NKAIN3: variants seen among roughly 807,000 people sequenced by gnomAD.
The protein encoded by NKAIN3 is sodium/potassium transporting ATPase interacting 3, also known as sodium/potassium-transporting ATPase subunit beta-1-interacting protein 3.
Under a neutral mutation model 30.2 loss-of-function variants are expected in NKAIN3, and 25 were observed. The observed-to-expected ratio is 0.83, with a 90% CI of 0.60 to 1.16. NKAIN3 has a LOEUF of 1.16. Ranked by LOEUF, NKAIN3 falls within the 50% of genes most tolerant of loss-of-function variation. NKAIN3 has a pLI of 0.00. For synonymous variants in NKAIN3, 91 were observed against 89.6 expected (o/e 1.02, Z -0.09); for missense variants, 225 against 254.1 (o/e 0.89, Z 0.78).
chr8:62,655,694 G>T (rs1812742823), intron 3 of NKAIN3, among the ~76,000 whole-genome samples: 1 of 152,110 alleles, frequency 6.6e-6, no homozygotes, highest in African/African-American at 2.4e-5. Context: ...GGTAGAGGAA[G>T]ATAAAGATGC....
intron 4 of NKAIN3, among the ~76,000 whole-genome samples, chr8:62,851,311 C>G (rs932595030): frequency 7.9e-5 from 12 of 152,104 alleles, no homozygotes; most frequent in Admixed American, 3.3e-4. Context: ...GATTTTGTAT[C>G]CTGAGACTTT....
intron 4 of NKAIN3, among the ~76,000 whole-genome samples, chr8:62,794,655 C>T (rs1817804014): frequency 6.6e-6 from 1 of 152,152 alleles, no homozygotes; most frequent in African/African-American, 2.4e-5. Context: ...TCTCCATCTC[C>T]TACACTTGTT....
rs143069038 is a variant in NKAIN3, at chr8:62,832,853, T to A, written c.472-85600T>A. On this transcript the variant is annotated intron_variant, in intron 4 of 6. Coordinates refer to ENST00000623646, the MANE Select transcript of NKAIN3 (RefSeq NM_001304533.3). ...CTTGGCCAATTGGACTTAAGAGAGATCTACAGAATATTTCACCCATCAACC... is the reference window on the plus strand; with the variant it reads ...CTTGGCCAATTGGACTTAAGAGAGAACTACAGAATATTTCACCCATCAACC... 2.6e-3 allele frequency among the ~76,000 whole-genome samples: 391 copies of A among 152,142 alleles called. 1 individual carries two copies. The highest frequency in any genetic ancestry group is 5.7e-3 in the Admixed American group (87 of 15,268).
intron 1 of NKAIN3, among the ~76,000 whole-genome samples, chr8:62,322,735 C>T (rs562844159): frequency 4.5e-4 from 68 of 152,230 alleles, no homozygotes; most frequent in Middle Eastern, 3.4e-3. Context: ...TAAATTGGAT[C>T]ATGCTACAGA....
chr8:62,439,997 G>C (rs1041659138), intron 1 of NKAIN3, among the ~76,000 whole-genome samples: 1 of 152,148 alleles, frequency 6.6e-6, no homozygotes, highest in Non-Finnish European at 1.5e-5. Context: ...GATTTTAATA[G>C]AAAGACATTC....
chr8:62,664,999 A>G (rs1813056375), intron 3 of NKAIN3, among the ~76,000 whole-genome samples: 1 of 152,148 alleles, frequency 6.6e-6, no homozygotes, highest in South Asian at 2.1e-4. Flanking sequence ...TGAAATTTCT[A>G]CTTGAACTTA....
intron 1 of NKAIN3, among the ~76,000 whole-genome samples, chr8:62,319,249 T>C (rs1814781773): frequency 6.6e-6 from 1 of 152,184 alleles, no homozygotes; most frequent in Non-Finnish European, 1.5e-5. Flanking sequence ...TTGCTAGTGG[T>C]CTATCAATTT....
At chr8:62,325,726 G>A (rs547223557) in intron 1 of NKAIN3, among the ~76,000 whole-genome samples, 1 of 151,798 alleles carries the variant, frequency 6.6e-6, no homozygotes, top group African/African-American at 2.4e-5. Context: ...CATTTAATTT[G>A]CATTTTGCAT....
chr8:62,681,851 G>T (rs1392259155), intron 3 of NKAIN3, among the ~76,000 whole-genome samples: 2 of 152,122 alleles, frequency 1.3e-5, no homozygotes, highest in African/African-American at 4.8e-5. Flanking sequence ...TAAGAATCAG[G>T]CTCAAAACTG....
At chr8:62,308,264 C>T (rs918091864) in intron 1 of NKAIN3, among the ~76,000 whole-genome samples, 1 of 150,452 alleles carries the variant, frequency 6.6e-6, no homozygotes, top group East Asian at 1.9e-4. Context: ...TCTGCCACTC[C>T]TCCCTCCTCA....
intron 1 of NKAIN3, among the ~76,000 whole-genome samples, chr8:62,517,802 G>C (rs544284924): frequency 6.6e-6 from 1 of 152,180 alleles, no homozygotes; most frequent in South Asian, 2.1e-4. Flanking sequence ...GAGATAATAT[G>C]GTCTACAGTT....
intron 1 of NKAIN3, among the ~76,000 whole-genome samples, chr8:62,510,022 A>G (rs967599641): frequency 2.0e-5 from 3 of 152,128 alleles, no homozygotes; most frequent in African/African-American, 2.4e-5. Context: ...AGAAGTGAGG[A>G]GTAATTCCTT....
At chr8:62,676,771 T>C (rs886431112) in intron 3 of NKAIN3, among the ~76,000 whole-genome samples, 6 of 151,344 alleles carry the variant, frequency 4.0e-5, no homozygotes, top group Admixed American at 4.0e-4. Flanking sequence ...TTGCATGCAG[T>C]GGCATGAACA....
chr8:62,309,057 G>T (rs1439733591), intron 1 of NKAIN3, among the ~76,000 whole-genome samples: 1 of 150,348 alleles, frequency 6.7e-6, no homozygotes, highest in Non-Finnish European at 1.5e-5. Context: ...TGTATTTAAA[G>T]AAAATAAAAC....
At chr8:62,931,148 C>A (rs1822609343) in intron 5 of NKAIN3, among the ~76,000 whole-genome samples, 1 of 151,944 alleles carries the variant, frequency 6.6e-6, no homozygotes, top group African/African-American at 2.4e-5. Context: ...TATATTTGTC[C>A]CAATAAACAA....
intron 1 of NKAIN3, among the ~76,000 whole-genome samples, chr8:62,471,216 C>T (rs1262822595): frequency 6.6e-6 from 1 of 151,928 alleles, no homozygotes; most frequent in Non-Finnish European, 1.5e-5. Flanking sequence ...ATGATCCACA[C>T]CATTTTCAAG....
chr8:62,386,299 C>G (rs1563375190), intron 1 of NKAIN3, among the ~76,000 whole-genome samples: 1 of 152,104 alleles, frequency 6.6e-6, no homozygotes, highest in Non-Finnish European at 1.5e-5. Flanking sequence ...ACACTCACCT[C>G]TTAGGATTGT....
At chr8:62,292,482 C>T (rs1243481755) in intron 1 of NKAIN3, among the ~76,000 whole-genome samples, 1 of 152,138 alleles carries the variant, frequency 6.6e-6, no homozygotes, top group Non-Finnish European at 1.5e-5. Context: ...TTTTATTTCT[C>T]CTTCACTTAT....
intron 1 of NKAIN3, among the ~76,000 whole-genome samples, chr8:62,561,761 C>T (rs1809585658): frequency 1.3e-5 from 2 of 152,144 alleles, no homozygotes; most frequent in African/African-American, 4.8e-5. Context: ...AACACTTCCC[C>T]TAGCTTTATC....
Sources: gnomAD v4.1 joint callset for allele counts (sites outside exome capture counted in the v4.1 genomes callset) on GRCh38, gnomAD v4.1.1 for gene constraint, MANE v1.5 for transcripts, NCBI Gene and HGNC (gene_info 2026-07-23, HGNC 2026-07-21) for gene names.